The following CDH8 variants were observed in gnomAD, a reference collection of about 807,000 sequenced individuals.
The protein encoded by CDH8 is cadherin-8.
In CDH8, 17 loss-of-function variants were observed where a neutral mutation model predicts 68.1. That is an observed-to-expected ratio of 0.25 (90% confidence interval 0.17 to 0.37). CDH8 has a LOEUF of 0.37. Among genes scored for constraint, CDH8 ranks in the 10% least tolerant of loss-of-function variants. The pLI, the probability that CDH8 is intolerant of heterozygous loss-of-function variation, is 1.00. For synonymous variants in CDH8, 372 were observed against 365.1 expected (o/e 1.02, Z -0.21); for missense variants, 763 against 999.3 (o/e 0.76, Z 3.19).
chr16:61,725,215 T>C (rs1483715336), intron 9 of CDH8: 2 of 150,872 alleles, frequency 1.3e-5, no homozygotes, highest in Non-Finnish European at 3.0e-5. Context: ...TTTTTTATTT[T>C]GGTTTTGCAT....
Position 61,900,572 on chromosome 16 carries a change from G to A in CDH8, c.547+607C>T, listed in dbSNP as rs1287527953. 3.3e-5 allele frequency among the ~76,000 whole-genome samples: 5 copies of A among 152,250 alleles called. No homozygotes were observed. In the South Asian group the frequency reaches 1.0e-3, roughly 32 times the overall value. Reference sequence around the variant, plus strand: ...TAAAATCATGTTTGAAATACAGACTGCTCTGTAATATGTGATGGAGTCTTC... The same window carrying A: ...TAAAATCATGTTTGAAATACAGACTACTCTGTAATATGTGATGGAGTCTTC... On this transcript the variant is annotated intron_variant, in intron 3 of 11. Coordinates refer to ENST00000577390, the MANE Select transcript of CDH8 (RefSeq NM_001796.5).
Position 61,653,479 on chromosome 16 carries a change from G to C in CDH8, c.*129C>G. 1 of 1,466,326 alleles carries C rather than the reference G, an allele frequency of 6.8e-7. No individual in the cohort carries two copies. The highest frequency in any genetic ancestry group is 2.6e-5 in the Admixed American group (1 of 38,590). 90.8% of individuals were successfully genotyped at this position (1,466,326 alleles called of 1,614,324 possible). A position where few individuals can be genotyped will look rare whatever the true frequency, so the allele number is the denominator to read the frequency against. ...TTTTTTTGGTTCAACATTAAAATGTGGTTGAGTTTATAGATGACTGGTGCT... is the reference window on the plus strand; with the variant it reads ...TTTTTTTGGTTCAACATTAAAATGTCGTTGAGTTTATAGATGACTGGTGCT... On this transcript the variant is annotated 3_prime_UTR_variant, in exon 12 of 12. Coordinates refer to ENST00000577390, the MANE Select transcript of CDH8 (RefSeq NM_001796.5).
At chr16:61,843,932 G>A (rs1174991703) in intron 4 of CDH8, among the ~76,000 whole-genome samples, 1 of 152,000 alleles carries the variant, frequency 6.6e-6, no homozygotes, top group African/African-American at 2.4e-5. Context: ...ATTCTAACTG[G>A]TGTGAGATGG....
chr16:61,915,725 ACCAGTAATAC>A (rs1159089858), intron 2 of CDH8, among the ~76,000 whole-genome samples: 3 of 152,150 alleles, frequency 2.0e-5, no homozygotes, highest in Non-Finnish European at 4.4e-5. Context: ...ACCTCTGAAA[ACCAGTAATAC>A]CCAATTAACA....
chr16:61,913,181 T>C (rs1030670506), intron 2 of CDH8, among the ~76,000 whole-genome samples: 6 of 152,156 alleles, frequency 3.9e-5, no homozygotes, highest in African/African-American at 1.2e-4. Context: ...TTCATTTATG[T>C]TTCATATACA....
intron 10 of CDH8, among the ~76,000 whole-genome samples, chr16:61,712,822 T>C (rs905722646): frequency 7.3e-5 from 11 of 151,706 alleles, no homozygotes; most frequent in East Asian, 3.9e-4. Flanking sequence ...CTATGTAGCA[T>C]TTTGTTCAAA....
At chr16:61,679,773 C>T (rs1332621100) in intron 10 of CDH8, among the ~76,000 whole-genome samples, 3 of 151,912 alleles carry the variant, frequency 2.0e-5, no homozygotes, top group Non-Finnish European at 4.4e-5. Context: ...TAGATGATGG[C>T]TCTAGTTTGT....
intron 1 of CDH8, among the ~76,000 whole-genome samples, chr16:62,032,502 C>G (rs6498821): frequency 1.3e-5 from 2 of 152,218 alleles, no homozygotes; most frequent in South Asian, 4.2e-4. Context: ...ATGCCAATAG[C>G]GCTGAAAACA....
chr16:61,939,728 C>G (rs149177594), intron 2 of CDH8, among the ~76,000 whole-genome samples: 27 of 152,272 alleles, frequency 1.8e-4, no homozygotes, highest in African/African-American at 6.3e-4. Flanking sequence ...AGATCTGCCT[C>G]TCCTGCTACA....
intron 8 of CDH8, among the ~76,000 whole-genome samples, chr16:61,748,048 T>C (rs1168752139): frequency 6.6e-6 from 1 of 152,134 alleles, no homozygotes; most frequent in African/African-American, 2.4e-5. Context: ...CCACTTTGGT[T>C]GACTTCTTCC....
chr16:61,653,910 T>C lies in CDH8; in HGVS notation c.2098A>G (p.Ile700Val). The C allele has an allele frequency of 6.2e-7, 1 of 1,614,222 alleles. No individual in the cohort carries two copies. The highest frequency in any genetic ancestry group is 1.6e-4 in the Middle Eastern group (1 of 6,062). Residue 700 changes from isoleucine (I) to valine (V), a missense_variant, in exon 12 of 12, where the codon ATT becomes GTT. Around this residue, in one of 2 missense-constraint regions of CDH8, gnomAD observed 397 missense variants for 436.2 expected, o/e 0.91. Coordinates refer to ENST00000577390, the MANE Select transcript of CDH8 (RefSeq NM_001796.5). Reference sequence around the variant, plus strand: ...GGCATAAACTGCAAATCTGGTTTAATATCCTTACGGGGTAAAAATCCATTA... The same window carrying C: ...GGCATAAACTGCAAATCTGGTTTAACATCCTTACGGGGTAAAAATCCATTA... ...GINGFLPRKD[I>V]KPDLQFMPRQ...
chr16:61,712,738 T>A (rs1448062825), intron 10 of CDH8, among the ~76,000 whole-genome samples: 2 of 151,674 alleles, frequency 1.3e-5, no homozygotes, highest in Non-Finnish European at 3.0e-5. Context: ...GTCAGCTAAA[T>A]TAGTAATATC....
chr16:61,717,127 T>C (rs1964745454), intron 9 of CDH8, among the ~76,000 whole-genome samples: 1 of 151,598 alleles, frequency 6.6e-6, no homozygotes, highest in Non-Finnish European at 1.5e-5. Flanking sequence ...TTCTGAGAAA[T>C]ATGCATCTAA....
chr16:61,650,782 C>T lies in CDH8; in HGVS notation c.*2826G>A, dbSNP rs1432106818. 6.6e-6 allele frequency: 1 copy of T among 151,432 alleles called. No individual in the cohort carries two copies. Among genetic ancestry groups the T allele is most frequent in the Non-Finnish European group, 1.5e-5 (1 of 67,938 alleles). 9.4% of individuals were successfully genotyped at this position (151,432 alleles called of 1,614,324 possible). On this transcript the variant is annotated 3_prime_UTR_variant, in exon 12 of 12. Coordinates refer to ENST00000577390, the MANE Select transcript of CDH8 (RefSeq NM_001796.5). ...CTGAGATTTTTAGTTTAATTCATGA[C>T]ACTCTAAAAGTATAGGTCAATCTTA...
At chr16:61,950,807 T>C (rs904308589) in intron 2 of CDH8, among the ~76,000 whole-genome samples, 46 of 152,168 alleles carry the variant, frequency 3.0e-4, no homozygotes, top group African/African-American at 9.4e-4. Flanking sequence ...AACTCAAACA[T>C]TGCATGTTCT....
chr16:61,960,702 T>A (rs745544274), intron 2 of CDH8, among the ~76,000 whole-genome samples: 21 of 152,034 alleles, frequency 1.4e-4, no homozygotes, highest in Non-Finnish European at 2.5e-4. Flanking sequence ...TTGCCCTCCT[T>A]CCTCCCTCTC....
chr16:61,772,124 A>T (rs1960792967), intron 8 of CDH8, among the ~76,000 whole-genome samples: 1 of 151,998 alleles, frequency 6.6e-6, no homozygotes, highest in Admixed American at 6.6e-5. Context: ...TCTGGAACAA[A>T]GATCACAGAT....
intron 6 of CDH8, 148 bp from the exon 7 acceptor site, chr16:61,817,880 C>T: frequency 1.6e-6 from 1 of 625,442 alleles, no homozygotes; most frequent in Non-Finnish European, 2.6e-6. Flanking sequence ...CCAGATTCAA[C>T]CTGTAAATTT....
chr16:61,938,467 C>T (rs1964661467), intron 2 of CDH8, among the ~76,000 whole-genome samples: 1 of 152,000 alleles, frequency 6.6e-6, no homozygotes, highest in African/African-American at 2.4e-5. Context: ...TTTGTTTTCC[C>T]CTGCAATAAC....
Sources: allele counts gnomAD v4.1 joint callset (sites outside exome capture counted in the v4.1 genomes callset), GRCh38; gene constraint gnomAD v4.1.1; regional missense constraint gnomAD v4.1.1; transcripts MANE v1.5; gene names NCBI Gene and HGNC (gene_info 2026-07-23, HGNC 2026-07-21).